SENP6: variants seen among roughly 807,000 people sequenced by gnomAD.
SENP6 encodes sentrin-specific protease 6.
Under a neutral mutation model 134.5 loss-of-function variants are expected in SENP6, and 41 were observed. The observed-to-expected ratio is 0.30, with a 90% CI of 0.24 to 0.40. SENP6 has a LOEUF of 0.40. Among genes scored for constraint, SENP6 ranks in the 10% least tolerant of loss-of-function variants. SENP6 has a pLI of 1.00. For missense variants in SENP6, 1,248 were observed against 1,312.5 expected (o/e 0.95, Z 0.76); for synonymous variants, 395 against 429.8 (o/e 0.92, Z 1.00).
chr6:75,655,710 A>G (rs747758103), intron 7 of SENP6, among the ~76,000 whole-genome samples: 5 of 152,244 alleles, frequency 3.3e-5, no homozygotes, highest in Non-Finnish European at 5.9e-5. Flanking sequence ...GATAATATAA[A>G]TAATCGATAA....
At chr6:75,633,186 T>C (rs1485693762) in intron 3 of SENP6, among the ~76,000 whole-genome samples, 2 of 152,186 alleles carry the variant, frequency 1.3e-5, no homozygotes, top group Non-Finnish European at 2.9e-5. Context: ...AAAGTTCTTA[T>C]ACATAAGCAC....
At chr6:75,671,130 A>G (rs1582821750) in intron 11 of SENP6, among the ~76,000 whole-genome samples, 1 of 152,334 alleles carries the variant, frequency 6.6e-6, no homozygotes, top group South Asian at 2.1e-4. Context: ...TTGTACTATA[A>G]TGGCTGCCCA....
At chr6:75,624,393 A>T (rs1393368350) in intron 3 of SENP6, among the ~76,000 whole-genome samples, 1 of 151,994 alleles carries the variant, frequency 6.6e-6, no homozygotes, top group Non-Finnish European at 1.5e-5. Context: ...AGCCTTCTAT[A>T]TGGGTTATTT....
At chr6:75,642,554 C>T (rs991147535) in intron 6 of SENP6, among the ~76,000 whole-genome samples, 2 of 152,072 alleles carry the variant, frequency 1.3e-5, no homozygotes, top group African/African-American at 4.8e-5. Context: ...AAGGCTGGAG[C>T]TTAGAGAGGA....
rs766444990 is a variant in SENP6, at chr6:75,670,674, G to A, written c.1346G>A (p.Ser449Asn). 1.2e-6 allele frequency: 2 copies of A among 1,613,216 alleles called. No individual in the cohort carries two copies. The highest frequency in any genetic ancestry group is 1.7e-6 in the Non-Finnish European group (2 of 1,179,604). Reference sequence around the variant, plus strand: ...GACAGTGTCATTTTAAACTGTCGAAGTATACGAGTAGGAACACTCTTCCGG... The same window carrying A: ...GACAGTGTCATTTTAAACTGTCGAAATATACGAGTAGGAACACTCTTCCGG... ...SFDSVILNCR[S>N]IRVGTLFRLL... is the part of the protein sequence containing the mutation. The change falls in exon 11 of 24, where the codon AGT becomes AAT. Residue 449 changes from serine to asparagine, a missense_variant. By Grantham distance (46) the Ser-to-Asn change is conservative. This residue lies in a region of SENP6 where 733 missense variants were observed against 725.4 expected (regional missense o/e 1.01). Transcript: ENST00000447266.
intron 7 of SENP6, among the ~76,000 whole-genome samples, chr6:75,651,498 A>G (rs1196088612): frequency 4.6e-5 from 7 of 152,112 alleles, no homozygotes; most frequent in Non-Finnish European, 1.0e-4. Context: ...CTGCAGGCGC[A>G]TGCTGCCACA....
At chr6:75,603,299 A>G (rs753426185) in intron 1 of SENP6, among the ~76,000 whole-genome samples, 1 of 152,148 alleles carries the variant, frequency 6.6e-6, no homozygotes, top group East Asian at 1.9e-4. Context: ...TTGTTGGGGA[A>G]GGTGGTAATG....
At chr6:75,676,895 T>A (rs1407968518) in intron 13 of SENP6, 135 bp from the exon 14 acceptor site, 1 of 589,436 alleles carries the variant, frequency 1.7e-6, no homozygotes, top group Non-Finnish European at 3.0e-6. Context: ...ATCCACTGTA[T>A]GTCAGACATT....
chr6:75,623,850 T>A (rs750593342), intron 2 of SENP6, 50 bp from the exon 3 acceptor site: 1 of 1,472,304 alleles, frequency 6.8e-7, no homozygotes, highest in Non-Finnish European at 9.3e-7. Flanking sequence ...GAATTTAATA[T>A]AAGGATTGTG....
chr6:75,648,767 G>T (rs1229841733), intron 7 of SENP6, among the ~76,000 whole-genome samples: 1 of 152,094 alleles, frequency 6.6e-6, no homozygotes, highest in Non-Finnish European at 1.5e-5. Flanking sequence ...TCTGCTATAT[G>T]CTTAGTCCAG....
chr6:75,701,879 A>G (rs988062947), intron 18 of SENP6, among the ~76,000 whole-genome samples: 4 of 151,940 alleles, frequency 2.6e-5, no homozygotes, highest in Non-Finnish European at 5.9e-5. Context: ...AACTCAGGCA[A>G]TCCACCCGCC....
intron 16 of SENP6, among the ~76,000 whole-genome samples, chr6:75,688,374 C>T (rs1276227400): frequency 6.6e-6 from 1 of 152,196 alleles, no homozygotes; most frequent in Non-Finnish European, 1.5e-5. Context: ...CCCCGCCCTG[C>T]TTCAGCTCAC....
intron 18 of SENP6, 32 bp downstream of exon 18, chr6:75,697,549 T>C (rs1416053894): frequency 6.8e-7 from 1 of 1,471,114 alleles, no homozygotes; most frequent in South Asian, 1.2e-5. Flanking sequence ...AGGAAAATCT[T>C]TAAATCATGT....
Position 75,697,501 on chromosome 6 carries a change from G to T in SENP6, c.2272G>T (p.Val758Leu). ...VDIFEKDFIF[V>L]PLNEAAHWFL... ...TATTTTTGAGAAGGATTTTATTTTT[G>T]TACCCCTTAATGAAGCGTGAGTAAG... Residue 758 changes from valine to leucine, a missense_variant, in exon 18 of 24, where the codon GTA (valine) becomes TTA (leucine). Transcript: ENST00000447266. 6.2e-7 allele frequency: 1 copy of T among 1,612,328 alleles called. No homozygotes were observed. Among genetic ancestry groups the T allele is most frequent in the Non-Finnish European group, 8.5e-7 (1 of 1,178,654 alleles).
chr6:75,700,346 C>T (rs1386771527), intron 18 of SENP6, among the ~76,000 whole-genome samples: 1 of 152,086 alleles, frequency 6.6e-6, no homozygotes, highest in Non-Finnish European at 1.5e-5. Flanking sequence ...TCTTCTTAGG[C>T]CAAAAAGGAT....
chr6:75,715,299 T>A, intron 23 of SENP6, 86 bp from the exon 24 acceptor site: 1 of 1,043,718 alleles, frequency 9.6e-7, no homozygotes. Flanking sequence ...TTGGGTTTTC[T>A]TATTTTTAAC....
At position 75,715,649 on chromosome 6, in the gene SENP6, G is replaced by A; in HGVS notation, c.*55G>A. 7.1e-7 allele frequency: 1 copy of A among 1,404,516 alleles called. No homozygotes were observed. Among genetic ancestry groups the A allele is most frequent in the Non-Finnish European group, 9.9e-7 (1 of 1,009,938 alleles). 87.0% of individuals were successfully genotyped at this position (1,404,516 alleles called of 1,614,324 possible). A position where few individuals can be genotyped will look rare whatever the true frequency, so the allele number is the denominator to read the frequency against. ...CAGAAACTAAATGACTTTCAAATTT[G>A]GGTATAGACAATAAAGAACTGAAGT... On this transcript the variant is annotated 3_prime_UTR_variant, in exon 24 of 24. Coordinates refer to ENST00000447266, the MANE Select transcript of SENP6 (RefSeq NM_015571.4).
At chr6:75,620,512 G>A (rs925873499) in intron 1 of SENP6, among the ~76,000 whole-genome samples, 2 of 152,102 alleles carry the variant, frequency 1.3e-5, no homozygotes, top group Admixed American at 6.6e-5. Flanking sequence ...TCTTTGATAA[G>A]GGCACCAATC....
intron 18 of SENP6, among the ~76,000 whole-genome samples, chr6:75,698,559 T>C (rs533419387): frequency 0.013 from 2,055 of 152,236 alleles, 21 homozygotes; most frequent in Middle Eastern, 0.034. Context: ...GGTCTTGAAC[T>C]CTTGGCCTCA....
Sources: gnomAD v4.1 joint callset for allele counts (sites outside exome capture counted in the v4.1 genomes callset) on GRCh38, gnomAD v4.1.1 for gene constraint, gnomAD v4.1.1 regional missense constraint, MANE v1.5 for transcripts, NCBI Gene and HGNC (gene_info 2026-07-23, HGNC 2026-07-21) for gene names.